Variants in FNIP1 observed in about 807,000 individuals in gnomAD.
The protein encoded by FNIP1 is folliculin interacting protein 1.
In FNIP1, 40 loss-of-function variants were observed where a neutral mutation model predicts 124.5. That is an observed-to-expected ratio of 0.32 (90% CI 0.25 to 0.42). The LOEUF is 0.42. FNIP1 is among the 10% of genes least tolerant of loss of function. The pLI, the probability that FNIP1 is intolerant of heterozygous loss-of-function variation, is 1.00. For missense variants in FNIP1, 1,176 were observed against 1,403.7 expected, an observed-to-expected ratio of 0.84 and a Z score of 2.59; for synonymous variants, 472 against 470.6, an observed-to-expected ratio of 1.00 and a Z score of -0.04.
intron 15 of FNIP1, among the ~76,000 whole-genome samples, chr5:131,660,764 G>T (rs765627815): frequency 5.3e-5 from 8 of 152,180 alleles, no homozygotes; most frequent in Non-Finnish European, 1.2e-4. Flanking sequence ...GCTCATCTGG[G>T]ATCACCCTTG....
At chr5:131,730,505 T>C (rs1203698754) in intron 3 of FNIP1, among the ~76,000 whole-genome samples, 14 of 152,232 alleles carry the variant, frequency 9.2e-5, no homozygotes, top group Non-Finnish European at 2.1e-4. Flanking sequence ...TTCCATATTT[T>C]ACAAGAAGTC....
chr5:131,737,551 T>C (rs1223277992), intron 2 of FNIP1, among the ~76,000 whole-genome samples: 2 of 152,294 alleles, frequency 1.3e-5, no homozygotes, highest in East Asian at 1.9e-4. Context: ...GCTTAAAATA[T>C]CACTTTCTTG....
chr5:131,758,903 G>C (rs555103253), intron 1 of FNIP1, among the ~76,000 whole-genome samples: 5 of 151,930 alleles, frequency 3.3e-5, no homozygotes, highest in Admixed American at 3.3e-4. Context: ...AAAATACTTA[G>C]ATATTAAGTG....
At position 131,679,051 on chromosome 5, in the gene FNIP1, T is replaced by C. The variant is rs766112806; in HGVS notation, c.1327A>G (p.Met443Val). Residue 443 changes from methionine to valine, a missense_variant, in exon 12 of 18, where the codon ATG becomes GTG. Met to Val is a conservative substitution (Grantham distance 21). Coordinates refer to ENST00000510461, the MANE Select transcript of FNIP1 (RefSeq NM_133372.3). ...TACTGATTTTTGGAAGCATTTTCCA[T>C]TAGAAAGGTGAACTCCTTCATGAAA... Reference protein sequence around the residue: ...YRFMKEFTFLMENASKNQFLP... With the variant: ...YRFMKEFTFLVENASKNQFLP... 1.9e-6 allele frequency: 3 copies of C among 1,609,106 alleles called. No individual in the cohort carries two copies. The highest frequency in any genetic ancestry group is 2.7e-5 in the African/African-American group (2 of 74,722).
chr5:131,686,369 T>C (rs1768272934), intron 11 of FNIP1, among the ~76,000 whole-genome samples: 1 of 152,120 alleles, frequency 6.6e-6, no homozygotes, highest in African/African-American at 2.4e-5. Context: ...TAAAGAGATG[T>C]GGTCTCACTT....
In FNIP1 at chr5:131,748,786, C is replaced by T. The variant is rs186205196; in HGVS notation, c.93-4096G>A. ...ATCATTATTTTAAAGTGTACCCCTA[C>T]TTATAAAAAAATTAACTGTAAAACA... is the stretch of plus-strand genomic sequence containing the variant. On this transcript the variant is annotated intron_variant, in intron 1 of 17. Coordinates refer to ENST00000510461, the MANE Select transcript of FNIP1 (RefSeq NM_133372.3). Among the ~76,000 whole-genome samples, 508 of 151,236 alleles carry T rather than the reference C, an allele frequency of 3.4e-3. 4 individuals carry two copies. Among genetic ancestry groups the T allele is most frequent in the African/African-American group, 0.012 (481 of 41,232 alleles).
intron 1 of FNIP1, among the ~76,000 whole-genome samples, chr5:131,792,423 A>T (rs1031800894): frequency 6.6e-6 from 1 of 152,146 alleles, no homozygotes; most frequent in Non-Finnish European, 1.5e-5. Context: ...GGCCTCCCAA[A>T]GTGCTGGGAT....
chr5:131,679,316 T>C (rs1212931157), intron 11 of FNIP1, 141 bp from the exon 12 acceptor site: 2 of 612,124 alleles, frequency 3.3e-6, no homozygotes, highest in African/African-American at 3.8e-5. Context: ...ACCAAGTCCT[T>C]CTTTCCTTGT....
chr5:131,719,900 G>A (rs572809545), intron 3 of FNIP1, among the ~76,000 whole-genome samples: 24 of 152,240 alleles, frequency 1.6e-4, no homozygotes, highest in Middle Eastern at 3.4e-3. Flanking sequence ...TTGTATTTCT[G>A]TAAAGACATA....
chr5:131,742,833 T>C (rs1430567816), intron 2 of FNIP1, among the ~76,000 whole-genome samples: 1 of 152,216 alleles, frequency 6.6e-6, no homozygotes, highest in African/African-American at 2.4e-5. Flanking sequence ...TTTCAATATG[T>C]ACAGTAGTGT....
intron 1 of FNIP1, among the ~76,000 whole-genome samples, chr5:131,771,603 TG>T (rs1771635495): frequency 1.3e-5 from 2 of 152,196 alleles, no homozygotes; most frequent in African/African-American, 4.8e-5. Context: ...ATCAAAAATC[TG>T]TAAGTCCTCT....
At chr5:131,784,922 G>C (rs766831804) in intron 1 of FNIP1, among the ~76,000 whole-genome samples, 46 of 147,568 alleles carry the variant, frequency 3.1e-4, no homozygotes, top group Non-Finnish European at 5.9e-4. Context: ...TCAGGACTGG[G>C]TTTGAGGCAC....
chr5:131,790,405 G>C (rs895065297), intron 1 of FNIP1, among the ~76,000 whole-genome samples: 2 of 151,368 alleles, frequency 1.3e-5, no homozygotes, highest in African/African-American at 4.9e-5. Flanking sequence ...CTTAAGCCCA[G>C]GAGGCGGAGG....
intron 15 of FNIP1, among the ~76,000 whole-genome samples, chr5:131,659,707 C>CCA (rs761731103): frequency 4.9e-4 from 74 of 152,184 alleles, no homozygotes; most frequent in Non-Finnish European, 8.8e-4. Flanking sequence ...ACAACATGGC[C>CCA]TGGATGGCCA....
At chr5:131,675,006 A>G (rs1767871984) in intron 13 of FNIP1, among the ~76,000 whole-genome samples, 1 of 152,216 alleles carries the variant, frequency 6.6e-6, no homozygotes, top group Non-Finnish European at 1.5e-5. Flanking sequence ...TTGCTTTGGC[A>G]TGGCAAGTGA....
At chr5:131,659,672 G>C (rs1405620448) in intron 15 of FNIP1, among the ~76,000 whole-genome samples, 2 of 152,228 alleles carry the variant, frequency 1.3e-5, no homozygotes, top group African/African-American at 4.8e-5. Context: ...CACAATGCCA[G>C]TGGTACAGCC....
Position 131,671,803 on chromosome 5 carries a change from T to C in FNIP1, c.2641A>G (p.Asn881Asp), listed in dbSNP as rs1170428113. Residue 881 changes from asparagine to aspartate, a missense_variant, in exon 14 of 18, where the codon AAC (asparagine) becomes GAC (aspartate). This residue lies in a region of FNIP1 where 1,109 missense variants were observed against 1,288.5 expected (regional missense o/e 0.86). Transcript: ENST00000510461. ...KILCTKNNKQ[N>D]NEFCKCIETV... ...TCTATACATTTACAAAATTCATTGT[T>C]CTGCTTGTTATTTTTTGTACACAAT... 1 of 1,613,962 alleles carries C rather than the reference T, an allele frequency of 6.2e-7. No homozygotes were observed. Among genetic ancestry groups the C allele is most frequent in the Non-Finnish European group, 8.5e-7 (1 of 1,180,024 alleles).
intron 15 of FNIP1, among the ~76,000 whole-genome samples, chr5:131,652,829 T>C (rs1024865336): frequency 1.3e-5 from 2 of 151,862 alleles, no homozygotes; most frequent in Admixed American, 1.3e-4. Flanking sequence ...CCAGGAATGG[T>C]GGCATGCACC....
chr5:131,762,762 A>C (rs1771274112), intron 1 of FNIP1, among the ~76,000 whole-genome samples: 1 of 152,196 alleles, frequency 6.6e-6, no homozygotes, highest in East Asian at 1.9e-4. Context: ...CCCAAAAGAA[A>C]GGAAATCAGT....
Sources: allele counts gnomAD v4.1 joint callset (sites outside exome capture counted in the v4.1 genomes callset), GRCh38; gene constraint gnomAD v4.1.1; regional missense constraint gnomAD v4.1.1; transcripts MANE v1.5; gene names NCBI Gene and HGNC (gene_info 2026-07-23, HGNC 2026-07-21).